Variants in PRKAB1 observed in about 807,000 individuals in gnomAD.
The protein encoded by PRKAB1 is protein kinase AMP-activated non-catalytic subunit beta 1, also known as 5'-AMP-activated protein kinase subunit beta-1.
Under a neutral mutation model 32.0 loss-of-function variants are expected in PRKAB1, and 18 were observed. That is an observed-to-expected ratio of 0.56 (90% confidence interval 0.39 to 0.83). The LOEUF is 0.83. PRKAB1 is among the 40% of genes least tolerant of loss of function. The probability of loss-of-function intolerance (pLI) is 0.00; values close to 1 mark genes in which losing one functional copy is unlikely to be tolerated. For synonymous variants in PRKAB1, 141 were observed against 141.4 expected (o/e 1.00, Z 0.02); for missense variants, 263 against 352.6 (o/e 0.75, Z 2.03).
chr12:119,668,302 C>A lies in PRKAB1; in HGVS notation c.58C>A (p.Pro20Thr). The change falls in exon 1 of 7, where the codon CCC becomes ACC. Residue 20 changes from proline to threonine, a missense_variant. By Grantham distance (38) the Pro-to-Thr change is conservative. Coordinates refer to ENST00000229328, the MANE Select transcript of PRKAB1 (RefSeq NM_006253.5). ...GGAGCGGCATGGTGGCCATAAGACG[C>A]CCCGGAGGGACAGCTCGGGGGGCAC... ...ALERHGGHKT[P>T]RRDSSGGTKD... 1 of 1,612,348 alleles carries A rather than the reference C, an allele frequency of 6.2e-7. No individual in the cohort carries two copies. The highest frequency in any genetic ancestry group is 2.2e-5 in the East Asian group (1 of 44,756).
At chr12:119,673,513 G>A (rs1428122638) in intron 2 of PRKAB1, among the ~76,000 whole-genome samples, 1 of 152,208 alleles carries the variant, frequency 6.6e-6, no homozygotes, top group African/African-American at 2.4e-5. Flanking sequence ...CTCTTCCGGA[G>A]TTTGGTTTTT....
chr12:119,671,507 G>C (rs1056557432), intron 1 of PRKAB1: 4 of 419,216 alleles, frequency 9.5e-6, no homozygotes, highest in Admixed American at 7.6e-5. Flanking sequence ...CGGCAGAAGA[G>C]AATGAGAGCA....
At chr12:119,673,906 A>G (rs1008554041) in intron 2 of PRKAB1, 58 bp from the exon 3 acceptor site, 2 of 1,447,772 alleles carry the variant, frequency 1.4e-6, no homozygotes, top group South Asian at 2.5e-5. Context: ...TGGTTTGGCA[A>G]GTAAGCTCGG....
chr12:119,669,382 C>T (rs1296154739), intron 1 of PRKAB1: 2 of 150,508 alleles, frequency 1.3e-5, no homozygotes, highest in African/African-American at 4.9e-5. Flanking sequence ...ATTCTCCTGC[C>T]TCAGCCTCCC....
At position 119,668,213 on chromosome 12, in the gene PRKAB1, C is replaced by A; in HGVS notation, c.-32C>A. ...TCCCTTTCCTGCAGTGAGGCGCCGT[C>A]CGCCTTCCCTGTGTCCCCGCAGACC... On this transcript the variant is annotated 5_prime_UTR_variant, in exon 1 of 7. Transcript: ENST00000229328. 1 of 1,540,468 alleles carries A rather than the reference C, an allele frequency of 6.5e-7. No individual in the cohort carries two copies.
Position 119,668,318 on chromosome 12 carries a change from C to CG in PRKAB1, c.80dup (p.Thr28HisfsTer39), listed in dbSNP as rs765766033. 1 of 1,613,014 alleles carries CG rather than the reference C, an allele frequency of 6.2e-7. No homozygotes were observed. ...CATAAGACGCCCCGGAGGGACAGCT[C>CG]GGGGGGCACCAAGGACGGGGACAGG... On this transcript the variant is annotated frameshift_variant, in exon 1 of 7. Coordinates refer to ENST00000229328, the MANE Select transcript of PRKAB1 (RefSeq NM_006253.5). LOFTEE classifies it high-confidence loss of function.
intron 1 of PRKAB1, 96 bp downstream of exon 1, chr12:119,668,499 G>A: frequency 6.8e-7 from 1 of 1,475,688 alleles, no homozygotes; most frequent in Non-Finnish European, 9.2e-7. Context: ...AAAAACACCA[G>A]AACGGAGAGG....
chr12:119,680,252 G>C lies in PRKAB1; in HGVS notation c.740G>C (p.Gly247Ala), dbSNP rs1955454099. The C allele has an allele frequency of 6.2e-7, 1 of 1,613,824 alleles. No homozygotes were observed. The highest frequency in any genetic ancestry group is 1.7e-5 in the Admixed American group (1 of 59,988). The change falls in exon 7 of 7, where the codon GGA (glycine) becomes GCA (alanine). Residue 247 changes from glycine to alanine, a missense_variant. Coordinates refer to ENST00000229328, the MANE Select transcript of PRKAB1 (RefSeq NM_006253.5). ...NHLYALSIKD[G>A]VMVLSATHRY... is the part of the protein sequence containing the mutation. ...CATTTCCACCTTGTTCCTTAGGATG[G>C]AGTGATGGTGCTCAGCGCAACCCAC...
intron 1 of PRKAB1, among the ~76,000 whole-genome samples, chr12:119,670,082 C>T (rs1357078578): frequency 6.6e-6 from 1 of 152,194 alleles, no homozygotes; most frequent in Admixed American, 6.5e-5. Flanking sequence ...ACTCAGGTGA[C>T]TTAACTCCTG....
At chr12:119,678,235 T>C (rs1437459570) in intron 5 of PRKAB1, 3 of 152,220 alleles carry the variant, frequency 2.0e-5, no homozygotes, top group Non-Finnish European at 4.4e-5. Flanking sequence ...GTTACAGTTG[T>C]CACTACTAAA....
intron 1 of PRKAB1, 79 bp from the exon 2 acceptor site, chr12:119,672,222 G>A: frequency 8.7e-6 from 12 of 1,372,414 alleles, no homozygotes; most frequent in Middle Eastern, 2.7e-4. Flanking sequence ...TAACAGCTGC[G>A]TCTTTAGAAT....
chr12:119,668,542 C>A, intron 1 of PRKAB1, 139 bp downstream of exon 1: 2 of 1,191,540 alleles, frequency 1.7e-6, no homozygotes, highest in Non-Finnish European at 2.3e-6. Flanking sequence ...ACTTAAAAGC[C>A]AGATGGTCCT....
chr12:119,680,414 T>C lies in PRKAB1; in HGVS notation c.*89T>C. Reference sequence around the variant, plus strand: ...TCCCCAAGAGGGAATGGACTGTACATTGCTCATTTCACACTCTTCAGAAGA... The same window carrying C: ...TCCCCAAGAGGGAATGGACTGTACACTGCTCATTTCACACTCTTCAGAAGA... On this transcript the variant is annotated 3_prime_UTR_variant, in exon 7 of 7. Coordinates refer to ENST00000229328, the MANE Select transcript of PRKAB1 (RefSeq NM_006253.5). The C allele has an allele frequency of 7.6e-7, 1 of 1,309,084 alleles. No homozygotes were observed. 81.1% of individuals were successfully genotyped at this position (1,309,084 alleles called of 1,614,324 possible).
chr12:119,674,350 C>G lies in PRKAB1; in HGVS notation c.428C>G (p.Thr143Ser). 6.2e-7 allele frequency: 1 copy of G among 1,613,032 alleles called. No homozygotes were observed. The highest frequency in any genetic ancestry group is 8.5e-7 in the Non-Finnish European group (1 of 1,178,980). The change falls in exon 4 of 7, where the codon ACC becomes AGC. Residue 143 changes from threonine to serine, a missense_variant. By Grantham distance (58) the Thr-to-Ser change is moderately conservative. Coordinates refer to ENST00000229328, the MANE Select transcript of PRKAB1 (RefSeq NM_006253.5). The surrounding 1 kb of genome is among the most constrained non-coding windows in gnomAD (Gnocchi z 4.3). ...WTHDPSEPIV[T>S]SQLGTVNNII... ...TCTGTCTCTTCCCAGCCCATAGTAA[C>G]CAGCCAGCTTGGCACAGTTAACAAC...
chr12:119,678,448 G>A (rs1039910413), intron 5 of PRKAB1: 1 of 152,200 alleles, frequency 6.6e-6, no homozygotes, highest in Admixed American at 6.5e-5. Context: ...AATAGTCACC[G>A]TGTTGTACAG....
Position 119,679,620 on chromosome 12 carries a change from G to A in PRKAB1, c.667-313G>A, listed in dbSNP as rs1474539366. 1 of 386,394 alleles carries A rather than the reference G, an allele frequency of 2.6e-6. No homozygotes were observed. The highest frequency in any genetic ancestry group is 5.9e-5 in the East Asian group (1 of 16,862). 23.9% of individuals were successfully genotyped at this position (386,394 alleles called of 1,614,324 possible). The stretch of plus-strand genomic sequence containing the variant: ...GTGTTCTCTGAAAGTGCTGTTAATA[G>A]CTGCTTTCTTCCTGCCCCACCCTCC... On this transcript the variant is annotated intron_variant, in intron 5 of 6. Coordinates refer to ENST00000229328, the MANE Select transcript of PRKAB1 (RefSeq NM_006253.5). This position sits in a 1 kb window ranked among gnomAD's most constrained non-coding sequence, Gnocchi z 4.1.
rs556459293 is a variant in PRKAB1 at position 119,674,131 on chromosome 12, G to T, written c.417+74G>T. 6 of 1,404,846 alleles carry T rather than the reference G, an allele frequency of 4.3e-6. No individual in the cohort carries two copies. In the East Asian group the frequency reaches 9.2e-5, roughly 21 times the overall value. 87.0% of individuals were successfully genotyped at this position (1,404,846 alleles called of 1,614,324 possible). ...CAAATCACCTTCCCAAGAGATTGCC[G>T]CTAGGTCCCTTTGCCCAGCTAGTAA... On this transcript the variant is annotated intron_variant, in intron 3 of 6. Coordinates refer to ENST00000229328, the MANE Select transcript of PRKAB1 (RefSeq NM_006253.5). This position sits in a 1 kb window ranked among gnomAD's most constrained non-coding sequence, Gnocchi z 4.3.
In PRKAB1 at chr12:119,672,379, A is replaced by G. The variant is rs1277129635; in HGVS notation, c.238A>G (p.Thr80Ala). 1.2e-6 allele frequency: 2 copies of G among 1,613,180 alleles called. No individual in the cohort carries two copies. The highest frequency in any genetic ancestry group is 1.7e-6 in the Non-Finnish European group (2 of 1,179,616). ...TAAAGCTCCCGCCCAGGCTCGGCCA[A>G]CGGTGTTTCGATGGACGGGGGGCGG... ...NDKAPAQARP[T>A]VFRWTGGGKE... Residue 80 changes from threonine to alanine, a missense_variant, in exon 2 of 7, where the codon ACG becomes GCG. Transcript: ENST00000229328.
rs1432035123 is a variant in PRKAB1 at position 119,675,843 on chromosome 12, C to T, written c.533-694C>T. Among the ~76,000 whole-genome samples, 4 of 152,180 alleles carry T rather than the reference C, an allele frequency of 2.6e-5. No homozygotes were observed. In the East Asian group the frequency reaches 5.8e-4, roughly 22 times the overall value. On this transcript the variant is annotated intron_variant, in intron 4 of 6. Transcript: ENST00000229328. ...GGATCTGGCGACCAGAACCATCCCA[C>T]GCGTTCTTTGGATGATGGCTTGGTA...
Sources: gnomAD v4.1 joint callset for allele counts (sites outside exome capture counted in the v4.1 genomes callset) on GRCh38, gnomAD v4.1.1 for gene constraint, Gnocchi (gnomAD v3.1) non-coding constraint, MANE v1.5 for transcripts, NCBI Gene and HGNC (gene_info 2026-07-23, HGNC 2026-07-21) for gene names.